The following PSME4 variants were observed in gnomAD, a reference collection of about 807,000 sequenced individuals.
PSME4 encodes the protein proteasome activator complex subunit 4.
A neutral mutation model predicts 253.9 loss-of-function variants in PSME4; 89 were observed. The ratio of observed to expected loss-of-function variants is 0.35; its 90% confidence interval spans 0.30 to 0.42. PSME4 has a LOEUF of 0.42. Ranked by LOEUF, PSME4 falls within the 10% of genes least tolerant of loss-of-function variation. The pLI is 1.00. For missense variants in PSME4, 2,014 were observed against 2,195.2 expected (o/e 0.92, Z 1.65); for synonymous variants, 851 against 759.2 (o/e 1.12, Z -1.99).
intron 41 of PSME4, among the ~76,000 whole-genome samples, chr2:53,876,907 G>C (rs952589063): frequency 6.6e-6 from 1 of 151,126 alleles, no homozygotes. Context: ...ATGTATGGTA[G>C]AGACAGAATC....
intron 13 of PSME4, 122 bp from the exon 14 acceptor site, chr2:53,925,811 G>T: frequency 7.9e-7 from 1 of 1,264,608 alleles, no homozygotes; most frequent in Non-Finnish European, 1.1e-6. Flanking sequence ...TTTCTACGTG[G>T]TTCACAAATC....
At chr2:53,956,552 TA>T in intron 1 of PSME4, among the ~76,000 whole-genome samples, 1 of 151,918 alleles carries the variant, frequency 6.6e-6, no homozygotes, top group South Asian at 2.1e-4. Context: ...AATAATAATT[TA>T]AAAAAGTAAA....
intron 3 of PSME4, among the ~76,000 whole-genome samples, chr2:53,940,884 A>C (rs1669366299): frequency 7.1e-6 from 1 of 141,256 alleles, no homozygotes; most frequent in African/African-American, 2.6e-5. Flanking sequence ...AAATATATAT[A>C]ATACATATTT....
At chr2:53,941,645 A>T (rs1669460376) in intron 3 of PSME4, among the ~76,000 whole-genome samples, 1 of 152,142 alleles carries the variant, frequency 6.6e-6, no homozygotes, top group African/African-American at 2.4e-5. Context: ...TTTTAGTAAC[A>T]AAGTATAGAA....
chr2:53,960,863 T>C (rs567895573), intron 1 of PSME4, among the ~76,000 whole-genome samples: 59 of 152,212 alleles, frequency 3.9e-4, no homozygotes, highest in Admixed American at 1.2e-3. Context: ...ATCCCAGCAC[T>C]CTGGGAGGCC....
At chr2:53,917,491 C>G (rs1183322729) in intron 20 of PSME4, among the ~76,000 whole-genome samples, 2 of 152,156 alleles carry the variant, frequency 1.3e-5, no homozygotes, top group Non-Finnish European at 2.9e-5. Flanking sequence ...TACATGGCAT[C>G]AAGATACAGG....
At position 53,864,125 on chromosome 2, in the gene PSME4, G is replaced by C. The variant is rs1477033445; in HGVS notation, c.*1453C>G. 6.6e-6 allele frequency: 1 copy of C among 152,110 alleles called. No homozygotes were observed. Among genetic ancestry groups the C allele is most frequent in the African/African-American group, 2.4e-5 (1 of 41,410 alleles). 9.4% of individuals were successfully genotyped at this position (152,110 alleles called of 1,614,324 possible). A position where few individuals can be genotyped will look rare whatever the true frequency, so the allele number is the denominator to read the frequency against. ...TAGTTACACAACTGAAATCAGTTTG[G>C]CACTACTTTATACAGGGATTACGCC... On this transcript the variant is annotated 3_prime_UTR_variant, in exon 47 of 47. Transcript: ENST00000404125.
At chr2:53,947,325 G>A (rs1342649297) in intron 3 of PSME4, among the ~76,000 whole-genome samples, 2 of 152,218 alleles carry the variant, frequency 1.3e-5, no homozygotes, top group Non-Finnish European at 2.9e-5. Context: ...AAGACTGAGA[G>A]AGAAAACTGC....
At chr2:53,943,022 A>T (rs1160170073) in intron 3 of PSME4, among the ~76,000 whole-genome samples, 1 of 152,232 alleles carries the variant, frequency 6.6e-6, no homozygotes, top group Non-Finnish European at 1.5e-5. Flanking sequence ...CTTCGCCTCC[A>T]GTTACTGAGA....
At chr2:53,955,268 T>TAAGA (rs1160281800) in intron 1 of PSME4, among the ~76,000 whole-genome samples, 1 of 152,236 alleles carries the variant, frequency 6.6e-6, no homozygotes, top group African/African-American at 2.4e-5. Flanking sequence ...AATGGCTTGT[T>TAAGA]AAAGTGTGGC....
intron 29 of PSME4, among the ~76,000 whole-genome samples, chr2:53,899,555 T>A (rs1573241375): frequency 6.6e-6 from 1 of 151,988 alleles, no homozygotes; most frequent in East Asian, 1.9e-4. Flanking sequence ...CAGTGGCTCA[T>A]GCCTGTAATC....
At chr2:53,945,829 G>C (rs962437500) in intron 3 of PSME4, among the ~76,000 whole-genome samples, 7 of 152,170 alleles carry the variant, frequency 4.6e-5, no homozygotes, top group African/African-American at 1.4e-4. Flanking sequence ...ATATATCTAA[G>C]AAGAAAAAAC....
chr2:53,877,247 C>CAAAA (rs1204678801), intron 41 of PSME4, among the ~76,000 whole-genome samples: 17 of 50,188 alleles, frequency 3.4e-4, no homozygotes, highest in African/African-American at 5.6e-4. Context: ...CCTGCCTCTA[C>CAAAA]AAAAAAAAAA....
In PSME4 at chr2:53,970,918, A is replaced by G; in HGVS notation, c.-134T>C. ...GCCCGTCGCCCTCGGACCGATCGCT[A>G]GGCCCCCTTCCCTGGCCGGCGTGCT... On this transcript the variant is annotated 5_prime_UTR_variant, in exon 1 of 47. Transcript: ENST00000404125. The G allele has an allele frequency of 2.8e-6, 2 of 705,458 alleles. No homozygotes were observed. The highest frequency in any genetic ancestry group is 2.1e-6 in the Non-Finnish European group (1 of 470,040). The allele number at this position is 705,458 out of a possible 1,614,324, so 43.7% of individuals were successfully genotyped here.
intron 43 of PSME4, among the ~76,000 whole-genome samples, chr2:53,873,696 C>A (rs1360228639): frequency 1.3e-5 from 2 of 152,174 alleles, no homozygotes; most frequent in Non-Finnish European, 2.9e-5. Flanking sequence ...TGGATAGCAG[C>A]GCCTATGTGT....
Position 53,893,662 on chromosome 2 carries a change from C to A in PSME4, c.4038+12G>T. Reference sequence around the variant, plus strand: ...AAGCATTACAAAGAGGATATGTAAACAATATAGTTACCTTAAAGAGGCAAA... The same window carrying A: ...AAGCATTACAAAGAGGATATGTAAAAAATATAGTTACCTTAAAGAGGCAAA... On this transcript the variant is annotated intron_variant, in intron 35 of 46. Coordinates refer to ENST00000404125, the MANE Select transcript of PSME4 (RefSeq NM_014614.3). 3.1e-6 allele frequency: 5 copies of A among 1,606,476 alleles called. No homozygotes were observed. Among genetic ancestry groups the A allele is most frequent in the Non-Finnish European group, 4.3e-6 (5 of 1,176,054 alleles).
intron 29 of PSME4, among the ~76,000 whole-genome samples, chr2:53,899,642 A>C (rs1053648915): frequency 6.6e-6 from 1 of 151,704 alleles, no homozygotes; most frequent in Middle Eastern, 3.2e-3. Flanking sequence ...ATGTGGTAAA[A>C]CCCTGTCTCT....
At chr2:53,908,297 G>A (rs749920011) in intron 24 of PSME4, 23 bp downstream of exon 24, 1 of 1,564,606 alleles carries the variant, frequency 6.4e-7, no homozygotes, top group South Asian at 1.1e-5. Context: ...AATTAGTGCA[G>A]ACTTTTAGGT....
At chr2:53,936,407 AGAAAAG>A (rs977181109) in intron 6 of PSME4, among the ~76,000 whole-genome samples, 4 of 152,220 alleles carry the variant, frequency 2.6e-5, no homozygotes, top group African/African-American at 9.7e-5. Flanking sequence ...CAATGAATAT[AGAAAAG>A]GAAATTTTAA....
Sources: gnomAD v4.1 joint callset for allele counts (sites outside exome capture counted in the v4.1 genomes callset) on GRCh38, gnomAD v4.1.1 for gene constraint, MANE v1.5 for transcripts, NCBI Gene and HGNC (gene_info 2026-07-23, HGNC 2026-07-21) for gene names.